Variants in EDARADD observed in about 807,000 individuals in gnomAD.
The protein encoded by EDARADD is EDAR associated via death domain.
In EDARADD, 20 loss-of-function variants were observed where a neutral mutation model predicts 25.6. The observed-to-expected ratio is 0.78, with a 90% CI of 0.55 to 1.14. The LOEUF (loss-of-function observed/expected upper bound fraction) is 1.14. Among genes scored for constraint, EDARADD ranks in the 50% most tolerant of loss-of-function variants. EDARADD has a pLI of 0.00. For missense variants in EDARADD, 225 were observed against 270.1 expected, an observed-to-expected ratio of 0.83 and a Z score of 1.17; for synonymous variants, 86 against 94.4, an observed-to-expected ratio of 0.91 and a Z score of 0.52.
intron 3 of EDARADD, among the ~76,000 whole-genome samples, chr1:236,353,678 C>CA (rs34798233): frequency 0.3 from 23,224 of 78,552 alleles, 2,721 homozygotes; most frequent in East Asian, 0.51. Flanking sequence ...ACTCCAACTC[C>CA]AAAAAAAAAA....
intron 3 of EDARADD, among the ~76,000 whole-genome samples, chr1:236,361,635 T>TTTTATATATATATA (rs368920343): frequency 8.2e-5 from 11 of 134,208 alleles, no homozygotes; most frequent in African/African-American, 3.4e-4. Context: ...CAGCCAAATT[T>TTTTATATATATATA]TATATATATA....
rs1666963999 is a variant in EDARADD at position 236,355,504 on chromosome 1, T to TTTTC, written c.-6+4668_-6+4669insCTTT. On this transcript the variant is annotated intron_variant, in intron 3 of 7. Transcript: ENST00000439430. ...CATTCTCTTCTGCTTCTTCTTCTTT[T>TTTTC]TTTTTTTTTTTTTTTTTTTTTTGAG... Among the ~76,000 whole-genome samples the TTTTC allele has an allele frequency of 3.9e-5, 5 of 128,218 alleles. No individual in the cohort carries two copies. In the South Asian group the frequency reaches 1.1e-3, roughly 29 times the overall value. The allele number at this position is 128,218 out of a possible 152,430, so 84.1% of individuals were successfully genotyped here.
Position 236,484,549 on chromosome 1 carries a change from C to G in EDARADD, c.*1900C>G. On this transcript the variant is annotated 3_prime_UTR_variant, in exon 6 of 6. Coordinates refer to ENST00000334232, the MANE Select transcript of EDARADD (RefSeq NM_145861.4). This position sits in a 1 kb window ranked among gnomAD's most constrained non-coding sequence, Gnocchi z 4.1. ...TGTGTCAACTCCGGCAGCTCAAGACCCCCGAGCAACATTTGTAGGGGCCGC... is the reference window on the plus strand; with the variant it reads ...TGTGTCAACTCCGGCAGCTCAAGACGCCCGAGCAACATTTGTAGGGGCCGC... 1 of 1,173,626 alleles carries G rather than the reference C, an allele frequency of 8.5e-7. No homozygotes were observed. The highest frequency in any genetic ancestry group is 1.2e-6 in the Non-Finnish European group (1 of 806,116). 72.7% of individuals were successfully genotyped at this position (1,173,626 alleles called of 1,614,324 possible).
Position 236,395,819 on chromosome 1 carries a change from C to T in EDARADD, c.61+1314C>T, listed in dbSNP as rs1667505668. Among the ~76,000 whole-genome samples the T allele has an allele frequency of 6.6e-6, 1 of 151,646 alleles. No individual in the cohort carries two copies. Among genetic ancestry groups the T allele is most frequent in the Admixed American group, 6.6e-5 (1 of 15,254 alleles). ...CCGACCCAGGCGCCAGACCCGGAGT[C>T]GCACGGGGCTCCCAGTCCAGCCCCG... On this transcript the variant is annotated intron_variant, in intron 1 of 5. Transcript: ENST00000334232. The surrounding 1 kb of genome is among the most constrained non-coding windows in gnomAD (Gnocchi z 6.9).
At position 236,398,071 on chromosome 1, in the gene EDARADD, C is replaced by A. The variant is rs958714270; in HGVS notation, c.61+3566C>A. The stretch of plus-strand genomic sequence containing the variant: ...ACGTAGGTTTTCACACCCACTCTTG[C>A]CTTCTGGTAACCTATTCTGCAAAAG... On this transcript the variant is annotated intron_variant, in intron 1 of 5. Coordinates refer to ENST00000334232, the MANE Select transcript of EDARADD (RefSeq NM_145861.4). The surrounding 1 kb of genome is among the most constrained non-coding windows in gnomAD (Gnocchi z 4.1). Among the ~76,000 whole-genome samples the A allele has an allele frequency of 2.0e-5, 3 of 152,182 alleles. No homozygotes were observed. Among genetic ancestry groups the A allele is most frequent in the African/African-American group, 7.2e-5 (3 of 41,424 alleles).
At chr1:236,373,677 AT>A (rs1272682743) in intron 3 of EDARADD, among the ~76,000 whole-genome samples, 1 of 151,416 alleles carries the variant, frequency 6.6e-6, no homozygotes, top group African/African-American at 2.4e-5. Flanking sequence ...TCTAATTTTT[AT>A]TCTTTCTTCT....
In EDARADD at chr1:236,394,478, G is replaced by A; in HGVS notation, c.34G>A (p.Gly12Ser). The change falls in exon 1 of 6, where the codon GGC becomes AGC. Residue 12 changes from glycine to serine, a missense_variant. Transcript: ENST00000334232. ...GLRTTKQMGR[G>S]TKAPGHQEDH... The stretch of plus-strand genomic sequence containing the variant: ...CAGGACGACTAAACAGATGGGGAGA[G>A]GCACTAAAGCTCCTGGTCACCAAGA... The A allele has an allele frequency of 6.2e-7, 1 of 1,614,108 alleles. No individual in the cohort carries two copies. Among genetic ancestry groups the A allele is most frequent in the Non-Finnish European group, 8.5e-7 (1 of 1,180,000 alleles).
chr1:236,426,160 T>A (rs546863224), intron 3 of EDARADD, among the ~76,000 whole-genome samples: 1 of 152,154 alleles, frequency 6.6e-6, no homozygotes, highest in East Asian at 1.9e-4. Context: ...TTTTAAGTTT[T>A]TTGAGACTGG....
intron 4 of EDARADD, among the ~76,000 whole-genome samples, chr1:236,427,892 G>A (rs1283685786): frequency 6.6e-6 from 1 of 151,592 alleles, no homozygotes; most frequent in African/African-American, 2.4e-5. Flanking sequence ...TTCCAAAAAG[G>A]AAATATGTTT....
At chr1:236,475,499 C>CCA (rs1659476644) in intron 5 of EDARADD, among the ~76,000 whole-genome samples, 1 of 151,950 alleles carries the variant, frequency 6.6e-6, no homozygotes, top group African/African-American at 2.4e-5. Context: ...GCACTGTGGC[C>CCA]CATGCTGGTA....
Position 236,482,325 on chromosome 1 carries a change from G to A in EDARADD, c.324G>A (p.Arg108=). ...ENCTCSSCLL[R]APTISDLLND... ...GTACTTGTTCCTCCTGCTTGCTCCG[G>A]GCCCCCACCATAAGTGACTTGCTCA... is the stretch of plus-strand genomic sequence containing the variant. The change falls in exon 6 of 6, where the codon CGG becomes CGA. Residue 108 remains arginine (R), a synonymous_variant. Coordinates refer to ENST00000334232, the MANE Select transcript of EDARADD (RefSeq NM_145861.4). 1 of 1,613,982 alleles carries A rather than the reference G, an allele frequency of 6.2e-7. No individual in the cohort carries two copies. The highest frequency in any genetic ancestry group is 1.1e-5 in the South Asian group (1 of 91,078).
chr1:236,455,618 T>C (rs1658837478), intron 4 of EDARADD, among the ~76,000 whole-genome samples: 1 of 152,246 alleles, frequency 6.6e-6, no homozygotes, highest in South Asian at 2.1e-4. Flanking sequence ...TTGGTATTTT[T>C]AACATTGTTG....
intron 4 of EDARADD, among the ~76,000 whole-genome samples, chr1:236,462,872 G>T (rs1483973962): frequency 6.6e-6 from 1 of 152,176 alleles, no homozygotes; most frequent in East Asian, 1.9e-4. Context: ...GTTCCACTCT[G>T]CAGTACCTTA....
intron 4 of EDARADD, among the ~76,000 whole-genome samples, chr1:236,440,650 G>A (rs984566406): frequency 4.0e-5 from 6 of 151,774 alleles, no homozygotes; most frequent in African/African-American, 1.5e-4. Context: ...TTTTCTAACA[G>A]CATGTGTTCA....
At position 236,395,583 on chromosome 1, in the gene EDARADD, G is replaced by A; in HGVS notation, c.61+1078G>A. 6.5e-7 allele frequency: 1 copy of A among 1,547,140 alleles called. No individual in the cohort carries two copies. Among genetic ancestry groups the A allele is most frequent in the Non-Finnish European group, 8.7e-7 (1 of 1,148,376 alleles). On this transcript the variant is annotated intron_variant, in intron 1 of 5. Transcript: ENST00000334232. The surrounding 1 kb of genome is among the most constrained non-coding windows in gnomAD (Gnocchi z 6.9). ...TCCCACGGTCCTCCCGCGCCCCGGA[G>A]GCCTGCCAGCCCCGCTCGGACGCTC...
intron 3 of EDARADD, among the ~76,000 whole-genome samples, chr1:236,355,987 A>G (rs921426634): frequency 1.3e-5 from 2 of 152,182 alleles, no homozygotes; most frequent in African/African-American, 4.8e-5. Flanking sequence ...ATATATGTAT[A>G]TATTTTAAAA....
At chr1:236,357,751 G>A (rs1666997207) in intron 3 of EDARADD, among the ~76,000 whole-genome samples, 1 of 151,968 alleles carries the variant, frequency 6.6e-6, no homozygotes, top group Non-Finnish European at 1.5e-5. Flanking sequence ...ATCTGCCCCA[G>A]TGACCTAAAT....
In EDARADD at chr1:236,369,145, A is replaced by G. The variant is rs186441261; in HGVS notation, c.-6+18306A>G. On this transcript the variant is annotated intron_variant, in intron 3 of 7. Transcript: ENST00000439430. ...AAGCAAGGTATTGTCAATCCTCCAA[A>G]TTTGCTATTCTTCTTCAATATTGAA... is the stretch of plus-strand genomic sequence containing the variant. 3.9e-5 allele frequency among the ~76,000 whole-genome samples: 6 copies of G among 152,102 alleles called. No homozygotes were observed. The East Asian group carries it at 1.2e-3, about 29-fold the overall frequency.
upstream of EDARADD, among the ~76,000 whole-genome samples, chr1:236,390,120 G>A (rs141090647): frequency 0.015 from 2,260 of 152,276 alleles, 42 homozygotes; most frequent in African/African-American, 0.049. Flanking sequence ...CTATGAGGAT[G>A]CAAAGGCATA....
Sources: allele counts gnomAD v4.1 joint callset (sites outside exome capture counted in the v4.1 genomes callset), GRCh38; gene constraint gnomAD v4.1.1; non-coding constraint Gnocchi (gnomAD v3.1); transcripts MANE v1.5; gene names NCBI Gene and HGNC (gene_info 2026-07-23, HGNC 2026-07-21).